Variants in PPME1 observed in about 807,000 individuals in gnomAD.
PPME1 encodes protein phosphatase methylesterase 1.
PPME1 carries 17 observed loss-of-function variants against 56.9 expected under a neutral mutation model. That is an observed-to-expected ratio of 0.30 (90% confidence interval 0.20 to 0.45). The LOEUF (loss-of-function observed/expected upper bound fraction) is 0.45. Ranked by LOEUF, PPME1 falls within the 20% of genes least tolerant of loss-of-function variation. The probability of loss-of-function intolerance (pLI) is 1.00; values close to 1 mark genes in which losing one functional copy is unlikely to be tolerated. For missense variants in PPME1, 357 were observed against 483.2 expected, an observed-to-expected ratio of 0.74 and a Z score of 2.45; for synonymous variants, 122 against 156.2, an observed-to-expected ratio of 0.78 and a Z score of 1.63.
chr11:74,251,702 G>A lies in PPME1; in HGVS notation c.1129G>A (p.Gly377Ser), dbSNP rs770001714. 1.7e-5 allele frequency: 28 copies of A among 1,613,852 alleles called. No individual in the cohort carries two copies. In the Middle Eastern group the frequency reaches 4.9e-4, roughly 28 times the overall value. Residue 377 changes from glycine to serine, a missense_variant, in exon 13 of 14, where the codon GGT becomes AGT. Physicochemically the swap from Gly to Ser is moderately conservative, Grantham distance 56. This residue lies in a region of PPME1 where 182 missense variants were observed against 293.8 expected (regional missense o/e 0.62). Coordinates refer to ENST00000328257, the MANE Select transcript of PPME1 (RefSeq NM_016147.3). ...LIRHRFAEPI[G>S]GFQCVFPGC is the part of the protein sequence containing the mutation. The stretch of plus-strand genomic sequence containing the variant: ...CCGGCACAGGTTTGCAGAACCCATC[G>A]GTGGATTCCAGTGGTAAGGCGGGTA...
intron 1 of PPME1, among the ~76,000 whole-genome samples, chr11:74,193,648 C>T (rs1857902187): frequency 6.6e-6 from 1 of 151,132 alleles, no homozygotes; most frequent in Admixed American, 6.6e-5. Context: ...CTTCATATTT[C>T]TTAACTTTTG....
chr11:74,225,222 A>G lies in PPME1; in HGVS notation c.364A>G (p.Asn122Asp). Residue 122 changes from asparagine to aspartate, a missense_variant, in exon 5 of 14, where the codon AAT becomes GAT. Asn to Asp is a conservative substitution (Grantham distance 23). This residue lies in a region of PPME1 where 175 missense variants were observed against 189.4 expected (regional missense o/e 0.92). Coordinates refer to ENST00000328257, the MANE Select transcript of PPME1 (RefSeq NM_016147.3). The part of the protein sequence containing the change: ...LRSHGETKVK[N>D]PEDLSAETMA... ...CATTTTAGGTGAAACAAAGGTCAAG[A>G]ATCCTGAAGATCTGTCTGCAGAAAC... is the stretch of plus-strand genomic sequence containing the variant. 6.4e-7 allele frequency: 1 copy of G among 1,566,614 alleles called. No homozygotes were observed. Among genetic ancestry groups the G allele is most frequent in the Non-Finnish European group, 8.7e-7 (1 of 1,153,610 alleles).
chr11:74,171,651 T>C (rs893525185), intron 1 of PPME1, 129 bp downstream of exon 1: 5 of 1,236,350 alleles, frequency 4.0e-6, no homozygotes, highest in Admixed American at 5.7e-5. Context: ...CCTGGAGATA[T>C]TTAGATGGAG....
rs12286474 is a variant in PPME1 at position 74,193,550 on chromosome 11, C to T, written c.102-10178C>T. Among the ~76,000 whole-genome samples, 14 of 152,270 alleles carry T rather than the reference C, an allele frequency of 9.2e-5. No individual in the cohort carries two copies. In the East Asian group the frequency reaches 1.5e-3, roughly 17 times the overall value. On this transcript the variant is annotated intron_variant, in intron 1 of 13. Transcript: ENST00000328257. ...TTGGATGAGGGATACTCAACCTGTA[C>T]GGCCTCTTCAAATACTGCTTTTATT... is the stretch of plus-strand genomic sequence containing the variant.
intron 3 of PPME1, 118 bp downstream of exon 3, chr11:74,204,563 C>A: frequency 1.3e-6 from 1 of 798,016 alleles, no homozygotes; most frequent in Non-Finnish European, 2.1e-6. Context: ...CTATTCCAGG[C>A]ATACACACAG....
chr11:74,244,856 A>G (rs1859465973), intron 9 of PPME1, among the ~76,000 whole-genome samples: 1 of 152,140 alleles, frequency 6.6e-6, no homozygotes, highest in South Asian at 2.1e-4. Context: ...CTAGGTCTTT[A>G]ATCCATTTGA....
intron 9 of PPME1, among the ~76,000 whole-genome samples, chr11:74,245,398 C>T (rs1448051379): frequency 6.6e-6 from 1 of 151,916 alleles, no homozygotes; most frequent in Non-Finnish European, 1.5e-5. Flanking sequence ...TCAAATATTT[C>T]AATGGTACAG....
intron 1 of PPME1, among the ~76,000 whole-genome samples, chr11:74,178,891 T>C (rs1036035521): frequency 6.6e-6 from 1 of 152,152 alleles, no homozygotes; most frequent in African/African-American, 2.4e-5. Flanking sequence ...GGAAAGACTG[T>C]TTCCTTCAAA....
chr11:74,235,859 G>C (rs753848594), intron 7 of PPME1, 42 bp from the exon 8 acceptor site: 4 of 1,580,892 alleles, frequency 2.5e-6, no homozygotes, highest in Non-Finnish European at 3.4e-6. Context: ...TGATACAATA[G>C]ATACTGAATA....
intron 1 of PPME1, among the ~76,000 whole-genome samples, chr11:74,189,198 T>C (rs779276478): frequency 6.6e-6 from 1 of 152,188 alleles, no homozygotes; most frequent in Non-Finnish European, 1.5e-5. Context: ...AAGACCAGCC[T>C]GGGCAATGTG....
chr11:74,247,785 C>T (rs1302416449), intron 11 of PPME1: 1 of 152,446 alleles, frequency 6.6e-6, no homozygotes, highest in Non-Finnish European at 1.5e-5. Flanking sequence ...CTGCAGCTGG[C>T]CAGTATTTTT....
intron 3 of PPME1, among the ~76,000 whole-genome samples, chr11:74,207,035 T>A (rs1471192421): frequency 5.3e-5 from 8 of 152,190 alleles, no homozygotes; most frequent in Admixed American, 5.2e-4. Flanking sequence ...GCATGAAAAC[T>A]CATACTTGTT....
chr11:74,226,677 C>CA (rs1858939757), intron 5 of PPME1, among the ~76,000 whole-genome samples: 1 of 152,132 alleles, frequency 6.6e-6, no homozygotes, highest in Non-Finnish European at 1.5e-5. Context: ...GCTTGGTTGA[C>CA]ATTCTAGAGG....
intron 3 of PPME1, among the ~76,000 whole-genome samples, chr11:74,218,828 A>G (rs1267522833): frequency 1.3e-5 from 2 of 152,160 alleles, no homozygotes; most frequent in Admixed American, 6.5e-5. Context: ...TGGACTGTGG[A>G]AAGATTTTTT....
chr11:74,226,336 C>T (rs1858931532), intron 5 of PPME1, among the ~76,000 whole-genome samples: 1 of 152,152 alleles, frequency 6.6e-6, no homozygotes, highest in East Asian at 1.9e-4. Context: ...TGAAGTCACA[C>T]AGTCAGTAGA....
chr11:74,220,484 A>G (rs1035544468), intron 3 of PPME1, among the ~76,000 whole-genome samples: 2 of 152,224 alleles, frequency 1.3e-5, no homozygotes, highest in South Asian at 2.1e-4. Flanking sequence ...TTATGTAGCC[A>G]GGGTTGAAAA....
At chr11:74,204,240 A>T in intron 2 of PPME1, 113 bp from the exon 3 acceptor site, 1 of 748,394 alleles carries the variant, frequency 1.3e-6, no homozygotes, top group Non-Finnish European at 2.2e-6. Context: ...TACATCTCTT[A>T]CATTTGGCAG....
chr11:74,246,288 T>C, intron 10 of PPME1, 83 bp downstream of exon 10: 2 of 1,328,346 alleles, frequency 1.5e-6, no homozygotes, highest in Non-Finnish European at 2.0e-6. Flanking sequence ...CAACAGAAAT[T>C]TATTTTCTCA....
intron 7 of PPME1, among the ~76,000 whole-genome samples, chr11:74,234,940 G>T (rs1023193714): frequency 5.9e-5 from 9 of 152,186 alleles, no homozygotes; most frequent in Non-Finnish European, 1.2e-4. Context: ...GGTTGGCCTT[G>T]ATAGGAATAG....
Sources: allele counts gnomAD v4.1 joint callset (sites outside exome capture counted in the v4.1 genomes callset), GRCh38; gene constraint gnomAD v4.1.1; regional missense constraint gnomAD v4.1.1; transcripts MANE v1.5; gene names NCBI Gene and HGNC (gene_info 2026-07-23, HGNC 2026-07-21).